PSME3IP1: variants seen among roughly 807,000 people sequenced by gnomAD.
PSME3IP1 encodes PSME3-interacting protein.
In PSME3IP1, 13 loss-of-function variants were observed where a neutral mutation model predicts 34.1. That is an observed-to-expected ratio of 0.38 (90% confidence interval 0.25 to 0.61). The LOEUF (loss-of-function observed/expected upper bound fraction) is 0.61, where lower values mean the gene tolerates loss of function less well. PSME3IP1 is among the 20% of genes least tolerant of loss of function. The pLI is 0.60. For synonymous variants in PSME3IP1, 93 were observed against 114.3 expected, an observed-to-expected ratio of 0.81 and a Z score of 1.19; for missense variants, 237 against 301.4, an observed-to-expected ratio of 0.79 and a Z score of 1.58.
At chr16:57,160,863 C>T (rs1163414707) in intron 6 of PSME3IP1, among the ~76,000 whole-genome samples, 1 of 152,158 alleles carries the variant, frequency 6.6e-6, no homozygotes, top group Non-Finnish European at 1.5e-5. Flanking sequence ...CTTGATCAAC[C>T]TTCCAGATCA....
At chr16:57,159,002 C>G (rs1026030100) in intron 6 of PSME3IP1, among the ~76,000 whole-genome samples, 2 of 152,184 alleles carry the variant, frequency 1.3e-5, no homozygotes, top group African/African-American at 4.8e-5. Flanking sequence ...ATCATATATG[C>G]ACCCATCATT....
intron 1 of PSME3IP1, chr16:57,178,663 C>T (rs2073417759): frequency 5.1e-6 from 5 of 985,164 alleles, no homozygotes; most frequent in East Asian, 1.1e-4. Flanking sequence ...AAACGCCATA[C>T]AATTTGTGCA....
Position 57,167,644 on chromosome 16 carries a change from C to T in PSME3IP1, c.349-418G>A, listed in dbSNP as rs1484743982. ...TTTTGCAGAATGTTGTTCTGACTAT[C>T]AGTGGCAATTAATCTTAGACATCAC... On this transcript the variant is annotated intron_variant, in intron 4 of 6. Transcript: ENST00000309137. Among the ~76,000 whole-genome samples, 3 of 152,226 alleles carry T rather than the reference C, an allele frequency of 2.0e-5. No homozygotes were observed. In the East Asian group the frequency reaches 5.8e-4, roughly 29 times the overall value.
chr16:57,163,899 G>A, intron 6 of PSME3IP1, 102 bp downstream of exon 6: 1 of 1,200,690 alleles, frequency 8.3e-7, no homozygotes, highest in Non-Finnish European at 1.2e-6. Context: ...AGGCTTGCTT[G>A]AAGACAGAAA....
chr16:57,180,761 AACAG>A (rs1198382894), intron 1 of PSME3IP1, among the ~76,000 whole-genome samples: 6 of 152,146 alleles, frequency 3.9e-5, no homozygotes, highest in Middle Eastern at 3.4e-3. Context: ...CAAACAAACA[AACAG>A]ACAAACAGGC....
chr16:57,156,575 T>C (rs905265726), intron 6 of PSME3IP1, among the ~76,000 whole-genome samples: 1 of 151,686 alleles, frequency 6.6e-6, no homozygotes, highest in Non-Finnish European at 1.5e-5. Flanking sequence ...AACACGGAGA[T>C]GGAGAAAAGT....
At chr16:57,166,602 T>C (rs558472917) in intron 5 of PSME3IP1, among the ~76,000 whole-genome samples, 1 of 152,258 alleles carries the variant, frequency 6.6e-6, no homozygotes, top group South Asian at 2.1e-4. Context: ...AGCAGCATTG[T>C]ATGCTCCTCC....
Position 57,164,068 on chromosome 16 carries a change from G to A in PSME3IP1, c.483-3C>T, listed in dbSNP as rs763184768. The stretch of plus-strand genomic sequence containing the variant: ...TCACACTGTTGCCACTCTCTGAGCT[G>A]TAACAAAACACATGGTGACTTGAGC... On this transcript the variant is annotated splice_region_variant and splice_polypyrimidine_tract_variant and intron_variant, in intron 5 of 6. Coordinates refer to ENST00000309137, the MANE Select transcript of PSME3IP1 (RefSeq NM_024946.4). The A allele has an allele frequency of 1.2e-6, 2 of 1,613,968 alleles. No individual in the cohort carries two copies. Among genetic ancestry groups the A allele is most frequent in the Admixed American group, 1.7e-5 (1 of 60,018 alleles).
chr16:57,184,997 G>A (rs572665752), intron 1 of PSME3IP1, among the ~76,000 whole-genome samples: 1 of 152,310 alleles, frequency 6.6e-6, no homozygotes, highest in South Asian at 2.1e-4. Context: ...TGGTGTCCCT[G>A]TGGACACATG....
chr16:57,185,092 C>T (rs1269048418), intron 1 of PSME3IP1, among the ~76,000 whole-genome samples: 1 of 152,232 alleles, frequency 6.6e-6, no homozygotes, highest in Non-Finnish European at 1.5e-5. Flanking sequence ...TCACCAGGCT[C>T]GCATCTGGCT....
At chr16:57,183,675 A>C (rs2073920859) in intron 1 of PSME3IP1, among the ~76,000 whole-genome samples, 1 of 152,232 alleles carries the variant, frequency 6.6e-6, no homozygotes, top group South Asian at 2.1e-4. Context: ...AAGATAGTAA[A>C]GAATTTGGAC....
intron 5 of PSME3IP1, among the ~76,000 whole-genome samples, chr16:57,164,685 A>G (rs1170971200): frequency 6.6e-6 from 1 of 152,210 alleles, no homozygotes; most frequent in Non-Finnish European, 1.5e-5. Context: ...TACTGTGTGT[A>G]TGTACTAGTT....
At chr16:57,164,162 G>GC in intron 5 of PSME3IP1, 97 bp from the exon 6 acceptor site, 2 of 1,000,306 alleles carry the variant, frequency 2.0e-6, no homozygotes, top group African/African-American at 1.6e-5. Flanking sequence ...TGGGTCTTAG[G>GC]CAGTCTCAAG....
At chr16:57,186,067 A>G, upstream of PSME3IP1, 1 of 985,326 alleles carries the variant, frequency 1.0e-6, no homozygotes, top group Non-Finnish European at 1.2e-6. Context: ...CCGGCGACGT[A>G]ACCCAATCCG....
At position 57,154,397 on chromosome 16, in the gene PSME3IP1, C is replaced by T. The variant is rs754426999; in HGVS notation, c.658G>A (p.Gly220Arg). Reference sequence around the variant, plus strand: ...GAGCTGGACTCGGAGTCGCTGCTCCCAGAGTAGGCACCCAGGCCTGGGAGG... The same window carrying T: ...GAGCTGGACTCGGAGTCGCTGCTCCTAGAGTAGGCACCCAGGCCTGGGAGG... The part of the protein sequence containing the change: ...GILPGLGAYS[G>R]SSDSESSSDS... Residue 220 changes from glycine (G) to arginine (R), a missense_variant, in exon 7 of 7, where the codon GGG becomes AGG. Coordinates refer to ENST00000309137, the MANE Select transcript of PSME3IP1 (RefSeq NM_024946.4). This position sits in a 1 kb window ranked among gnomAD's most constrained non-coding sequence, Gnocchi z 4.0. 1.2e-6 allele frequency: 2 copies of T among 1,614,074 alleles called. No homozygotes were observed. Among genetic ancestry groups the T allele is most frequent in the South Asian group, 1.1e-5 (1 of 91,084 alleles).
At chr16:57,173,298 G>A (rs573286630) in intron 2 of PSME3IP1, among the ~76,000 whole-genome samples, 12 of 152,166 alleles carry the variant, frequency 7.9e-5, no homozygotes, top group Non-Finnish European at 1.5e-4. Context: ...CCTTACATAG[G>A]TGACTTCGCC....
intron 6 of PSME3IP1, among the ~76,000 whole-genome samples, chr16:57,161,296 A>T (rs2071196234): frequency 6.6e-6 from 1 of 152,238 alleles, no homozygotes; most frequent in Non-Finnish European, 1.5e-5. Context: ...CTGTGTGCTA[A>T]TGGCATACAG....
At position 57,185,843 on chromosome 16, in the gene PSME3IP1, A is replaced by G. The variant is rs2074134037; in HGVS notation, c.-38T>C. On this transcript the variant is annotated 5_prime_UTR_variant, in exon 1 of 7. Transcript: ENST00000309137. ...CACCTACCGGCGCGCGGGAGGCGAGACGACCTCACCTCGGCGGCGCCCACC... is the reference window on the plus strand; with the variant it reads ...CACCTACCGGCGCGCGGGAGGCGAGGCGACCTCACCTCGGCGGCGCCCACC... 1 of 985,278 alleles carries G rather than the reference A, an allele frequency of 1.0e-6. No individual in the cohort carries two copies. Among genetic ancestry groups the G allele is most frequent in the African/African-American group, 1.7e-5 (1 of 57,286 alleles). 61.0% of individuals were successfully genotyped at this position (985,278 alleles called of 1,614,324 possible).
At chr16:57,169,242 A>G (rs1272309114) in intron 4 of PSME3IP1, among the ~76,000 whole-genome samples, 1 of 152,242 alleles carries the variant, frequency 6.6e-6, no homozygotes, top group East Asian at 1.9e-4. Flanking sequence ...GTTTTTTAAC[A>G]TACACAATAC....
Sources: gnomAD v4.1 joint callset for allele counts (sites outside exome capture counted in the v4.1 genomes callset) on GRCh38, gnomAD v4.1.1 for gene constraint, Gnocchi (gnomAD v3.1) non-coding constraint, MANE v1.5 for transcripts, NCBI Gene and HGNC (gene_info 2026-07-23, HGNC 2026-07-21) for gene names.